EML1: variants seen among roughly 807,000 people sequenced by gnomAD.
The protein encoded by EML1 is echinoderm microtubule-associated protein-like 1.
In EML1, 27 loss-of-function variants were observed where a neutral mutation model predicts 110.4. That is an observed-to-expected ratio of 0.24 (90% CI 0.18 to 0.34). The LOEUF (loss-of-function observed/expected upper bound fraction) is 0.34. Ranked by LOEUF, EML1 falls within the 10% of genes least tolerant of loss-of-function variation. The probability of loss-of-function intolerance (pLI) is 1.00; values close to 1 mark genes in which losing one functional copy is unlikely to be tolerated. For missense variants in EML1, 741 were observed against 1,030.9 expected, an observed-to-expected ratio of 0.72 and a Z score of 3.85; for synonymous variants, 344 against 385.8, an observed-to-expected ratio of 0.89 and a Z score of 1.27.
chr14:99,801,237 C>T (rs918881097), intron 1 of EML1, among the ~76,000 whole-genome samples: 2 of 152,196 alleles, frequency 1.3e-5, no homozygotes, highest in Non-Finnish European at 2.9e-5. Flanking sequence ...TTTGGCAAAT[C>T]GGGCTGATTT....
rs1363667953 is a variant in EML1, at chr14:99,936,019, C to A, written c.1910-10C>A. The A allele has an allele frequency of 6.2e-7, 1 of 1,612,876 alleles. No individual in the cohort carries two copies. The highest frequency in any genetic ancestry group is 8.5e-7 in the Non-Finnish European group (1 of 1,179,164). On this transcript the variant is annotated splice_polypyrimidine_tract_variant and intron_variant, in intron 17 of 21. Transcript: ENST00000262233. This position sits in a 1 kb window ranked among gnomAD's most constrained non-coding sequence, Gnocchi z 5.5. ...TAACATCTGAAATGTAATTTGTCATCTTTTTATAGATGGGAATTTCTTAGC... is the reference window on the plus strand; with the variant it reads ...TAACATCTGAAATGTAATTTGTCATATTTTTATAGATGGGAATTTCTTAGC...
chr14:99,743,185 C>T (rs1193880472), intron 1 of EML1, among the ~76,000 whole-genome samples: 1 of 152,196 alleles, frequency 6.6e-6, no homozygotes, highest in Non-Finnish European at 1.5e-5. Flanking sequence ...AGTCACCCAG[C>T]GAGGGCATGG....
At chr14:99,913,340 A>AT (rs1283345253) in intron 13 of EML1, among the ~76,000 whole-genome samples, 2 of 151,590 alleles carry the variant, frequency 1.3e-5, no homozygotes, top group East Asian at 2.0e-4. Flanking sequence ...TACCCAGCTA[A>AT]TTTTTTTTGT....
At chr14:99,762,950 T>C (rs562185157) in intron 1 of EML1, among the ~76,000 whole-genome samples, 1 of 152,226 alleles carries the variant, frequency 6.6e-6, no homozygotes, top group Non-Finnish European at 1.5e-5. Context: ...TGTGATATGC[T>C]TTGGCTGTGT....
Position 99,918,441 on chromosome 14 carries a change from A to G in EML1, c.1820+592A>G, listed in dbSNP as rs2060071149. 1.3e-5 allele frequency among the ~76,000 whole-genome samples: 2 copies of G among 152,152 alleles called. 1 individual carries two copies. Among genetic ancestry groups the G allele is most frequent in the South Asian group, 4.1e-4 (2 of 4,830 alleles). On this transcript the variant is annotated intron_variant, in intron 16 of 21. Coordinates refer to ENST00000262233, the MANE Select transcript of EML1 (RefSeq NM_004434.3). ...ATCTCGAGGATTTGTGGAGCTTCTC[A>G]AGCCCTGATCTTGAGGCTGTGGGAG... is the stretch of plus-strand genomic sequence containing the variant.
chr14:99,783,765 G>A (rs558690616), intron 1 of EML1, among the ~76,000 whole-genome samples: 2 of 152,158 alleles, frequency 1.3e-5, no homozygotes, highest in African/African-American at 4.8e-5. Context: ...TTATAGGCGT[G>A]AGCCACCACG....
chr14:99,812,255 C>G (rs1247354185), intron 1 of EML1, among the ~76,000 whole-genome samples: 1 of 151,856 alleles, frequency 6.6e-6, no homozygotes, highest in Non-Finnish European at 1.5e-5. Context: ...GGAGGCCTGA[C>G]TGTGCATGCC....
chr14:99,848,960 C>CAA (rs35648071), intron 1 of EML1, among the ~76,000 whole-genome samples: 1 of 135,182 alleles, frequency 7.4e-6, no homozygotes, highest in Non-Finnish European at 1.6e-5. Context: ...AAGACCCTGT[C>CAA]AAAAAAAAAA....
rs527251662 is a variant in EML1 at position 99,935,619 on chromosome 14, C to T, written c.1910-410C>T. Among the ~76,000 whole-genome samples, 13 of 151,912 alleles carry T rather than the reference C, an allele frequency of 8.6e-5. 1 individual carries two copies. In the South Asian group the frequency reaches 2.3e-3, roughly 27 times the overall value. ...TAACACGTTGAAACCTCGTCTCTAC[C>T]GAAAATACAAAAAATTAGCCAAGCG... On this transcript the variant is annotated intron_variant, in intron 17 of 21. Coordinates refer to ENST00000262233, the MANE Select transcript of EML1 (RefSeq NM_004434.3).
intron 1 of EML1, among the ~76,000 whole-genome samples, chr14:99,830,928 C>T (rs1786973384): frequency 6.6e-6 from 1 of 152,140 alleles, no homozygotes; most frequent in African/African-American, 2.4e-5. Context: ...GGCCCTTTGT[C>T]AGATGTCCCT....
intron 1 of EML1, among the ~76,000 whole-genome samples, chr14:99,837,505 G>C (rs755977275): frequency 6.6e-6 from 1 of 152,190 alleles, no homozygotes; most frequent in Non-Finnish European, 1.5e-5. Context: ...TGTCAAAAAG[G>C]ATTAAAAATT....
chr14:99,935,675 C>T (rs938215361), intron 17 of EML1, among the ~76,000 whole-genome samples: 6 of 146,260 alleles, frequency 4.1e-5, no homozygotes, highest in African/African-American at 7.7e-5. Flanking sequence ...CCCAGCTACT[C>T]GGGAGGCTGA....
intron 1 of EML1, among the ~76,000 whole-genome samples, chr14:99,783,159 A>G (rs982697349): frequency 2.1e-5 from 2 of 96,884 alleles, no homozygotes; most frequent in African/African-American, 8.4e-5. Flanking sequence ...CACCCACAAC[A>G]GGCCCTGGTG....
chr14:99,836,881 A>G (rs898611695), intron 1 of EML1, among the ~76,000 whole-genome samples: 3 of 152,056 alleles, frequency 2.0e-5, no homozygotes, highest in African/African-American at 7.2e-5. Context: ...ACATCCTCTG[A>G]GTCCTCTCCT....
At chr14:99,779,798 C>A (rs1209979848) in intron 1 of EML1, among the ~76,000 whole-genome samples, 1 of 152,206 alleles carries the variant, frequency 6.6e-6, no homozygotes, top group African/African-American at 2.4e-5. Flanking sequence ...TGCTTCCCCT[C>A]CCCTCTGGTA....
chr14:99,860,804 C>G (rs539560920), intron 2 of EML1, among the ~76,000 whole-genome samples: 2 of 152,072 alleles, frequency 1.3e-5, no homozygotes, highest in East Asian at 1.9e-4. Context: ...TCCCCCTCCC[C>G]CTTCCCATCC....
chr14:99,807,282 T>C (rs1020308385), intron 1 of EML1, among the ~76,000 whole-genome samples: 13 of 152,246 alleles, frequency 8.5e-5, no homozygotes, highest in African/African-American at 3.1e-4. Context: ...GCAGCCTTGA[T>C]TCTGCTGTTC....
intron 15 of EML1, among the ~76,000 whole-genome samples, chr14:99,915,633 G>T (rs2060022117): frequency 6.6e-6 from 1 of 151,968 alleles, no homozygotes; most frequent in Non-Finnish European, 1.5e-5. Flanking sequence ...ATAGGAAATT[G>T]AGGTGTAGAG....
intron 4 of EML1, among the ~76,000 whole-genome samples, chr14:99,882,115 A>G (rs1331392557): frequency 6.6e-6 from 1 of 152,226 alleles, no homozygotes; most frequent in Non-Finnish European, 1.5e-5. Context: ...AATATATGGT[A>G]GTATTTTACT....
Sources: gnomAD v4.1 joint callset for allele counts (sites outside exome capture counted in the v4.1 genomes callset) on GRCh38, gnomAD v4.1.1 for gene constraint, Gnocchi (gnomAD v3.1) non-coding constraint, MANE v1.5 for transcripts, NCBI Gene and HGNC (gene_info 2026-07-23, HGNC 2026-07-21) for gene names.